The following PAX7 variants were observed in gnomAD, a reference collection of about 807,000 sequenced individuals.
The protein encoded by PAX7 is paired box 7, also known as paired box protein Pax-7.
PAX7 carries 18 observed loss-of-function variants against 50.7 expected under a neutral mutation model. The observed-to-expected ratio is 0.36, with a 90% confidence interval of 0.25 to 0.53. The LOEUF (loss-of-function observed/expected upper bound fraction) is 0.53, where lower values mean the gene tolerates loss of function less well. Ranked by LOEUF, PAX7 falls within the 20% of genes least tolerant of loss-of-function variation. PAX7 has a pLI of 0.93. For synonymous variants in PAX7, 310 were observed against 290.4 expected (o/e 1.07, Z -0.69); for missense variants, 644 against 702.9 (o/e 0.92, Z 0.95).
At chr1:18,659,307 G>C (rs560088863) in intron 4 of PAX7, among the ~76,000 whole-genome samples, 1 of 152,186 alleles carries the variant, frequency 6.6e-6, no homozygotes. Flanking sequence ...CCTAACTTGA[G>C]AACTTCTCTG....
At chr1:18,633,730 G>A (rs1198381167) in intron 1 of PAX7, among the ~76,000 whole-genome samples, 3 of 152,308 alleles carry the variant, frequency 2.0e-5, no homozygotes, top group Non-Finnish European at 2.9e-5. Context: ...ACAGTTCCAC[G>A]GCTCTAGCCA....
At chr1:18,725,306 C>T (rs1227784117) in intron 7 of PAX7, among the ~76,000 whole-genome samples, 2 of 53,760 alleles carry the variant, frequency 3.7e-5, no homozygotes, top group Non-Finnish European at 7.2e-5. Flanking sequence ...GGAGACGCCC[C>T]CCCCCCGCCC....
chr1:18,721,305 G>A (rs921651848), intron 7 of PAX7, among the ~76,000 whole-genome samples: 1 of 152,122 alleles, frequency 6.6e-6, no homozygotes, highest in African/African-American at 2.4e-5. Flanking sequence ...ACCCTGACAG[G>A]TGCTACCCTG....
chr1:18,714,240 T>TAAATAA (rs1557546790), intron 7 of PAX7, among the ~76,000 whole-genome samples: 11 of 74,444 alleles, frequency 1.5e-4, no homozygotes, highest in Non-Finnish European at 2.6e-4. Flanking sequence ...TAAATAAATA[T>TAAATAA]ACAAAAACAA....
chr1:18,744,788 C>T, intron 8 of PAX7, 26 bp from the exon 9 acceptor site: 1 of 1,387,640 alleles, frequency 7.2e-7, no homozygotes, highest in Non-Finnish European at 1.0e-6. Context: ...ACCTCAATTT[C>T]TAGGAGAGTC....
chr1:18,681,654 A>G (rs1484839873), intron 4 of PAX7, among the ~76,000 whole-genome samples: 1 of 152,100 alleles, frequency 6.6e-6, no homozygotes, highest in African/African-American at 2.4e-5. Flanking sequence ...CCCTTGCATC[A>G]GATTTTGTGG....
At position 18,726,573 on chromosome 1, in the gene PAX7, A is replaced by G. The variant is rs1363166695; in HGVS notation, c.1156-9059A>G. Among the ~76,000 whole-genome samples the G allele has an allele frequency of 1.3e-5, 2 of 152,126 alleles. No homozygotes were observed. The highest frequency in any genetic ancestry group is 2.9e-5 in the Non-Finnish European group (2 of 68,026). ...TCATGGCCACAAGAAAACAACAAAC[A>G]GGGTGAGGCTCAGTCTGTTCCCAGG... On this transcript the variant is annotated intron_variant, in intron 7 of 8. Transcript: ENST00000420770. The surrounding 1 kb of genome is among the most constrained non-coding windows in gnomAD (Gnocchi z 4.8).
intron 8 of PAX7, among the ~76,000 whole-genome samples, chr1:18,737,513 G>T (rs1453623745): frequency 6.6e-6 from 1 of 152,276 alleles, no homozygotes; most frequent in Non-Finnish European, 1.5e-5. Context: ...GAGTACGTAT[G>T]TTGGGACATG....
At chr1:18,637,988 T>C (rs1265960336) in intron 4 of PAX7, among the ~76,000 whole-genome samples, 1 of 152,250 alleles carries the variant, frequency 6.6e-6, no homozygotes, top group African/African-American at 2.4e-5. Context: ...GGGGACCCAG[T>C]CCTTATTTCA....
Position 18,631,406 on chromosome 1 carries a change from C to T in PAX7, c.-198C>T, listed in dbSNP as rs1570093507. The T allele has an allele frequency of 1.0e-5, 6 of 589,778 alleles. No homozygotes were observed. The highest frequency in any genetic ancestry group is 2.8e-5 in the East Asian group (1 of 35,574). 36.5% of individuals were successfully genotyped at this position (589,778 alleles called of 1,614,324 possible). ...CCCCAACCTCCACCCCACCTCACCCCCCTCCCCAGCTTCTGGACGCGTTTG... is the reference window on the plus strand; with the variant it reads ...CCCCAACCTCCACCCCACCTCACCCTCCTCCCCAGCTTCTGGACGCGTTTG... On this transcript the variant is annotated 5_prime_UTR_variant, in exon 1 of 9. Coordinates refer to ENST00000420770, the MANE Select transcript of PAX7 (RefSeq NM_001135254.2).
chr1:18,679,286 C>T lies in PAX7; in HGVS notation c.587-12468C>T, dbSNP rs189132880. Among the ~76,000 whole-genome samples the T allele has an allele frequency of 7.5e-4, 115 of 152,336 alleles. 1 individual carries two copies. Among genetic ancestry groups the T allele is most frequent in the South Asian group, 5.8e-3 (28 of 4,828 alleles). ...ATTTTCCATCTCCACCTCCAAACAA[C>T]TTTCCAACTGGACACAGCCCCTGTG... On this transcript the variant is annotated intron_variant, in intron 4 of 8. Transcript: ENST00000420770.
chr1:18,748,297 A>G lies in PAX7; in HGVS notation c.*3368A>G, dbSNP rs1931530125. 8.8e-6 allele frequency: 2 copies of G among 227,726 alleles called. No homozygotes were observed. The highest frequency in any genetic ancestry group is 1.7e-5 in the Non-Finnish European group (2 of 114,602). The allele number at this position is 227,726 out of a possible 1,614,324, so 14.1% of individuals were successfully genotyped here. A position where few individuals can be genotyped will look rare whatever the true frequency, so the allele number is the denominator to read the frequency against. ...AGATTTTGGATCCTGGGCCTCAGTG[A>G]CACTCCATCACCCAACTAAAAAGAT... On this transcript the variant is annotated 3_prime_UTR_variant, in exon 9 of 9. Transcript: ENST00000420770.
Position 18,687,478 on chromosome 1 carries a change from C to A in PAX7, c.587-4276C>A, listed in dbSNP as rs993488702. Among the ~76,000 whole-genome samples the A allele has an allele frequency of 3.9e-5, 6 of 152,292 alleles. No individual in the cohort carries two copies. The East Asian group carries it at 1.2e-3, about 29-fold the overall frequency. On this transcript the variant is annotated intron_variant, in intron 4 of 8. Transcript: ENST00000420770. ...CAGGGCTCACTGGCTGTGTGTCCTC[C>A]ATCCAAGTGACTGAACCTCTCTGAG...
intron 8 of PAX7, among the ~76,000 whole-genome samples, chr1:18,737,865 A>G (rs1930871419): frequency 6.6e-6 from 1 of 152,256 alleles, no homozygotes; most frequent in Non-Finnish European, 1.5e-5. Context: ...AGATAGGTAT[A>G]ATGAATATGT....
At chr1:18,650,697 T>C (rs895443040) in intron 4 of PAX7, among the ~76,000 whole-genome samples, 1 of 152,130 alleles carries the variant, frequency 6.6e-6, no homozygotes, top group African/African-American at 2.4e-5. Context: ...ATGGAGAAAC[T>C]GAAGCCCAAA....
chr1:18,631,650 C>T lies in PAX7; in HGVS notation c.47C>T (p.Pro16Leu), dbSNP rs1033982888. The T allele has an allele frequency of 6.2e-7, 1 of 1,613,198 alleles. No homozygotes were observed. Among genetic ancestry groups the T allele is most frequent in the Non-Finnish European group, 8.5e-7 (1 of 1,179,880 alleles). Reference protein sequence around the residue: ...GTVPRMMRPAPGQNYPRTGFP... With the variant: ...GTVPRMMRPALGQNYPRTGFP... Reference sequence around the variant, plus strand: ...GTACCGAGAATGATGCGGCCGGCTCCGGGGCAGAACTACCCCCGCACGGGA... The same window carrying T: ...GTACCGAGAATGATGCGGCCGGCTCTGGGGCAGAACTACCCCCGCACGGGA... The change falls in exon 1 of 9, where the codon CCG (proline) becomes CTG (leucine). Residue 16 changes from proline (P) to leucine (L), a missense_variant. Physicochemically the swap from Pro to Leu is moderately conservative, Grantham distance 98. Coordinates refer to ENST00000420770, the MANE Select transcript of PAX7 (RefSeq NM_001135254.2).
chr1:18,675,581 C>T (rs932030293), intron 4 of PAX7, among the ~76,000 whole-genome samples: 3 of 152,154 alleles, frequency 2.0e-5, no homozygotes, highest in African/African-American at 2.4e-5. Flanking sequence ...GACCCCTTCT[C>T]AGGCTGTCCC....
chr1:18,682,033 C>T (rs1044634309), intron 4 of PAX7, among the ~76,000 whole-genome samples: 2 of 152,122 alleles, frequency 1.3e-5, no homozygotes, highest in Admixed American at 6.6e-5. Context: ...CCACTATGTC[C>T]GGCCGGGCTT....
chr1:18,646,872 GGCGGCGCGGGGCGGC>G (rs1021869086), intron 4 of PAX7, among the ~76,000 whole-genome samples: 1 of 150,160 alleles, frequency 6.7e-6, no homozygotes, highest in Non-Finnish European at 1.5e-5. Context: ...AAAACCGGGG[GGCGGCGCGGGGCGGC>G]GCGGCGCGGG....
Sources: allele counts gnomAD v4.1 joint callset (sites outside exome capture counted in the v4.1 genomes callset), GRCh38; gene constraint gnomAD v4.1.1; non-coding constraint Gnocchi (gnomAD v3.1); transcripts MANE v1.5; gene names NCBI Gene and HGNC (gene_info 2026-07-23, HGNC 2026-07-21).